The following TMEM117 variants were observed in gnomAD, a reference collection of about 807,000 sequenced individuals.
TMEM117 encodes transmembrane protein 117.
In TMEM117, 27 loss-of-function variants were observed where a neutral mutation model predicts 52.4. That is an observed-to-expected ratio of 0.51 (90% CI 0.38 to 0.71). The LOEUF (loss-of-function observed/expected upper bound fraction) is 0.71, where lower values mean the gene tolerates loss of function less well. Ranked by LOEUF, TMEM117 falls within the 30% of genes least tolerant of loss-of-function variation. The pLI, the probability that TMEM117 is intolerant of heterozygous loss-of-function variation, is 0.00. For missense variants in TMEM117, 556 were observed against 630.5 expected (o/e 0.88, Z 1.26); for synonymous variants, 215 against 206.3 (o/e 1.04, Z -0.36).
the TMEM117 span, among the ~76,000 whole-genome samples, chr12:43,820,422 G>A: frequency 1.3e-5 from 2 of 151,932 alleles, no homozygotes; most frequent in East Asian, 2.0e-4. Context: ...TACAGACGCC[G>A]GCCACCACGC....
At chr12:44,385,837 C>A (rs1267420522) in intron 7 of TMEM117, among the ~76,000 whole-genome samples, 2 of 152,066 alleles carry the variant, frequency 1.3e-5, no homozygotes, top group African/African-American at 4.8e-5. Context: ...TTTCATTTCT[C>A]CTGTTTCTCA....
intron 5 of TMEM117, among the ~76,000 whole-genome samples, chr12:44,218,175 G>T (rs984552114): frequency 2.6e-5 from 4 of 151,510 alleles, no homozygotes; most frequent in African/African-American, 9.7e-5. Flanking sequence ...AGTGAGCCGA[G>T]ATTGCACCAC....
At chr12:43,944,371 G>T (rs2137616059) in intron 3 of TMEM117, 29 bp downstream of exon 3, 1 of 1,343,110 alleles carries the variant, frequency 7.4e-7, no homozygotes, top group African/African-American at 1.9e-5. Context: ...TTCTACTGTG[G>T]TGAGTGTTAT....
At chr12:43,913,642 T>C (rs753555688) in intron 2 of TMEM117, among the ~76,000 whole-genome samples, 2 of 152,154 alleles carry the variant, frequency 1.3e-5, no homozygotes, top group African/African-American at 2.4e-5. Context: ...AGTTTATGAG[T>C]CGTTCCTGTT....
chr12:43,947,323 A>G (rs1195222826), intron 3 of TMEM117, among the ~76,000 whole-genome samples: 1 of 152,214 alleles, frequency 6.6e-6, no homozygotes, highest in Non-Finnish European at 1.5e-5. Flanking sequence ...TGAAACAACA[A>G]GACTCTGCCT....
At chr12:44,274,575 A>C (rs1444679875) in intron 5 of TMEM117, among the ~76,000 whole-genome samples, 2 of 152,174 alleles carry the variant, frequency 1.3e-5, no homozygotes, top group Non-Finnish European at 2.9e-5. Context: ...TATAGTAACC[A>C]AAACAGCATA....
chr12:43,825,612 A>T, the TMEM117 span, among the ~76,000 whole-genome samples: 5 of 151,852 alleles, frequency 3.3e-5, no homozygotes, highest in African/African-American at 7.3e-5. Context: ...TTATTATTAA[A>T]TATTATGTGA....
At chr12:44,394,647 A>G (rs1224999058), downstream of TMEM117, among the ~76,000 whole-genome samples, 2 of 152,112 alleles carry the variant, frequency 1.3e-5, no homozygotes, top group Non-Finnish European at 2.9e-5. Context: ...CCTTCTTTTT[A>G]TGATTTCTTT....
the TMEM117 span, among the ~76,000 whole-genome samples, chr12:43,802,723 A>G: frequency 6.6e-6 from 1 of 152,328 alleles, no homozygotes; most frequent in East Asian, 1.9e-4. Flanking sequence ...TGATCATAAC[A>G]GTTGAACTGA....
chr12:44,334,028 T>G (rs1951307096), intron 6 of TMEM117, among the ~76,000 whole-genome samples: 1 of 152,044 alleles, frequency 6.6e-6, no homozygotes, highest in African/African-American at 2.4e-5. Flanking sequence ...AATTATTGTA[T>G]TTACCTCGAT....
chr12:44,053,315 A>G (rs1947004141), intron 3 of TMEM117, among the ~76,000 whole-genome samples: 1 of 152,152 alleles, frequency 6.6e-6, no homozygotes, highest in Admixed American at 6.6e-5. Flanking sequence ...ATGATATTTT[A>G]TTATAAAGGT....
chr12:44,062,383 C>T (rs552052812), intron 3 of TMEM117, among the ~76,000 whole-genome samples: 58 of 152,168 alleles, frequency 3.8e-4, no homozygotes, highest in South Asian at 1.0e-3. Flanking sequence ...AGAGACAGTC[C>T]GCCTAACTAA....
chr12:43,898,344 T>C (rs1196459149), intron 2 of TMEM117, among the ~76,000 whole-genome samples: 1 of 149,752 alleles, frequency 6.7e-6, no homozygotes, highest in East Asian at 1.9e-4. Flanking sequence ...ACTTTCAGGA[T>C]ATATTGTGAT....
At chr12:43,955,947 T>G (rs755775694) in intron 3 of TMEM117, among the ~76,000 whole-genome samples, 1 of 152,150 alleles carries the variant, frequency 6.6e-6, no homozygotes, top group Non-Finnish European at 1.5e-5. Flanking sequence ...AATAGGCACG[T>G]AGACCATTGG....
At chr12:43,812,268 C>T in the TMEM117 span, among the ~76,000 whole-genome samples, 1 of 152,280 alleles carries the variant, frequency 6.6e-6, no homozygotes, top group South Asian at 2.1e-4. Flanking sequence ...TCAGAGACAG[C>T]GCCTAAAAGA....
chr12:44,025,776 G>A (rs188625305), intron 3 of TMEM117, among the ~76,000 whole-genome samples: 2 of 152,250 alleles, frequency 1.3e-5, no homozygotes, highest in Non-Finnish European at 2.9e-5. Context: ...TATGATAACA[G>A]ATGGTATTTC....
chr12:43,980,109 C>A (rs893134934), intron 3 of TMEM117, among the ~76,000 whole-genome samples: 1 of 152,108 alleles, frequency 6.6e-6, no homozygotes, highest in African/African-American at 2.4e-5. Context: ...TGTAGTGTAT[C>A]CCTTGTCTTT....
Position 44,185,849 on chromosome 12 carries a change from A to T in TMEM117, c.511-25441A>T, listed in dbSNP as rs1488379544. 2.7e-5 allele frequency among the ~76,000 whole-genome samples: 4 copies of T among 147,364 alleles called. No homozygotes were observed. In the East Asian group the frequency reaches 6.1e-4, roughly 22 times the overall value. On this transcript the variant is annotated intron_variant, in intron 4 of 7. Coordinates refer to ENST00000266534, the MANE Select transcript of TMEM117 (RefSeq NM_032256.3). ...TGAAACAGTTTATATAGTTCTGCTC[A>T]TTTTCAGACCTAAAAGACATACACA...
intron 6 of TMEM117, among the ~76,000 whole-genome samples, chr12:44,341,688 G>A (rs1006852691): frequency 2.0e-5 from 3 of 152,092 alleles, no homozygotes; most frequent in Admixed American, 6.6e-5. Context: ...CCATGGCATG[G>A]GAGAATTTGC....
Sources: allele counts gnomAD v4.1 joint callset (sites outside exome capture counted in the v4.1 genomes callset), GRCh38; gene constraint gnomAD v4.1.1; transcripts MANE v1.5; gene names NCBI Gene and HGNC (gene_info 2026-07-23, HGNC 2026-07-21).